HIP1: variants seen among roughly 807,000 people sequenced by gnomAD.
The protein encoded by HIP1 is huntingtin-interacting protein 1.
Under a neutral mutation model 147.6 loss-of-function variants are expected in HIP1, and 65 were observed. That is an observed-to-expected ratio of 0.44 (90% CI 0.36 to 0.54). The LOEUF (loss-of-function observed/expected upper bound fraction) is 0.54. Among genes scored for constraint, HIP1 ranks in the 20% least tolerant of loss-of-function variants. The pLI is 0.00. For synonymous variants in HIP1, 479 were observed against 504.0 expected, an observed-to-expected ratio of 0.95 and a Z score of 0.67; for missense variants, 1,061 against 1,299.6, an observed-to-expected ratio of 0.82 and a Z score of 2.82.
intron 1 of HIP1, among the ~76,000 whole-genome samples, chr7:75,631,272 C>T (rs184074505): frequency 6.6e-6 from 1 of 152,268 alleles, no homozygotes; most frequent in East Asian, 1.9e-4. Context: ...CCATGCCTGG[C>T]TTGTGTCAAG....
intron 1 of HIP1, among the ~76,000 whole-genome samples, chr7:75,613,881 C>T (rs1050013555): frequency 3.3e-5 from 5 of 152,054 alleles, no homozygotes; most frequent in African/African-American, 9.7e-5. Flanking sequence ...CATGCCACCA[C>T]ACCTGGCTAA....
chr7:75,538,099 T>C lies in HIP1; in HGVS notation c.*73A>G. Reference sequence around the variant, plus strand: ...CCCCTGGGACTCCAAGGATTTGGCCTGTGGCTGGGGAAATAACACACACGA... The same window carrying C: ...CCCCTGGGACTCCAAGGATTTGGCCCGTGGCTGGGGAAATAACACACACGA... On this transcript the variant is annotated 3_prime_UTR_variant, in exon 31 of 31. Coordinates refer to ENST00000336926, the MANE Select transcript of HIP1 (RefSeq NM_005338.7). The C allele has an allele frequency of 1.5e-6, 2 of 1,291,966 alleles. No homozygotes were observed. Among genetic ancestry groups the C allele is most frequent in the South Asian group, 1.2e-5 (1 of 84,548 alleles). The allele number at this position is 1,291,966 out of a possible 1,614,324, so 80.0% of individuals were successfully genotyped here.
At chr7:75,682,368 C>T (rs1004824977) in intron 1 of HIP1, among the ~76,000 whole-genome samples, 5 of 151,656 alleles carry the variant, frequency 3.3e-5, no homozygotes, top group Admixed American at 1.3e-4. Flanking sequence ...GCGATCCTCC[C>T]GCCTCAGCCT....
intron 8 of HIP1, among the ~76,000 whole-genome samples, chr7:75,572,398 G>T (rs1218131455): frequency 6.6e-6 from 1 of 152,166 alleles, no homozygotes; most frequent in Non-Finnish European, 1.5e-5. Flanking sequence ...TTTGCACAAA[G>T]GGATTGTGTA....
chr7:75,726,096 G>A (rs921159888), intron 1 of HIP1, among the ~76,000 whole-genome samples: 1 of 152,138 alleles, frequency 6.6e-6, no homozygotes, highest in Non-Finnish European at 1.5e-5. Context: ...TGCCTGCCTT[G>A]TTATCACAAA....
intron 1 of HIP1, among the ~76,000 whole-genome samples, chr7:75,654,903 T>C (rs1799101601): frequency 6.6e-6 from 1 of 151,686 alleles, no homozygotes; most frequent in Non-Finnish European, 1.5e-5. Flanking sequence ...TGGTCCCAGC[T>C]ACTCTGGAGG....
rs1184339300 is a variant in HIP1 at position 75,663,960 on chromosome 7, G to GTA, written c.121-64715_121-64714dup. ...TATATATATATATACACATATATGT[G>GTA]TATATATATATACACATATATGTGT... is the stretch of plus-strand genomic sequence containing the variant. On this transcript the variant is annotated intron_variant, in intron 1 of 30. Coordinates refer to ENST00000336926, the MANE Select transcript of HIP1 (RefSeq NM_005338.7). Among the ~76,000 whole-genome samples the GTA allele has an allele frequency of 2.3e-4, 12 of 52,960 alleles. 1 individual carries two copies. The highest frequency in any genetic ancestry group is 4.9e-4 in the Admixed American group (2 of 4,098). The allele number at this position is 52,960 out of a possible 152,430, so 34.7% of individuals were successfully genotyped here.
At chr7:75,724,974 G>A (rs527632452) in intron 1 of HIP1, among the ~76,000 whole-genome samples, 1 of 152,292 alleles carries the variant, frequency 6.6e-6, no homozygotes, top group South Asian at 2.1e-4. Flanking sequence ...ACAGGGTAAG[G>A]GGCAGGTTCT....
rs782475027 is a variant in HIP1, at chr7:75,599,256, CAAG to C, written c.121-12_121-10del. The stretch of plus-strand genomic sequence containing the variant: ...TTATTGATGCTGACAGTCTGAAAAA[CAAG>C]AAGGGGGGAGGGAAAGGAGGATGAG... On this transcript the variant is annotated splice_polypyrimidine_tract_variant and intron_variant, in intron 1 of 30. Coordinates refer to ENST00000336926, the MANE Select transcript of HIP1 (RefSeq NM_005338.7). The C allele has an allele frequency of 6.2e-7, 1 of 1,607,502 alleles. No individual in the cohort carries two copies. The highest frequency in any genetic ancestry group is 2.2e-5 in the East Asian group (1 of 44,834).
chr7:75,654,635 G>C (rs1441513118), intron 1 of HIP1: 1 of 152,276 alleles, frequency 6.6e-6, no homozygotes, highest in South Asian at 2.1e-4. Flanking sequence ...TGCAAAACTC[G>C]GTTAAGAACA....
chr7:75,680,627 T>TA (rs1297523837), intron 1 of HIP1, among the ~76,000 whole-genome samples: 3 of 146,198 alleles, frequency 2.1e-5, no homozygotes, highest in Non-Finnish European at 4.5e-5. Flanking sequence ...CTTTTTTTTT[T>TA]AAGACAGAAT....
chr7:75,736,138 C>T (rs1386306547), intron 1 of HIP1, among the ~76,000 whole-genome samples: 2 of 142,234 alleles, frequency 1.4e-5, no homozygotes, highest in African/African-American at 5.3e-5. Flanking sequence ...CTCTACTTCA[C>T]CCCCACCCAC....
chr7:75,591,980 C>T, intron 4 of HIP1, 76 bp downstream of exon 4: 2 of 1,149,036 alleles, frequency 1.7e-6, no homozygotes, highest in Admixed American at 3.4e-5. Flanking sequence ...TTTATTTCAC[C>T]CTCCAGTCCT....
chr7:75,651,474 A>AAAG (rs1798984455), intron 1 of HIP1, among the ~76,000 whole-genome samples: 1 of 149,156 alleles, frequency 6.7e-6, no homozygotes, highest in East Asian at 2.0e-4. Flanking sequence ...AAAAAAAAAA[A>AAAG]AAAAAAAAAA....
rs183903928 is a variant in HIP1 at position 75,649,153 on chromosome 7, T to C, written c.121-49906A>G. ...AATTCTCCTGCCTCATCCTCCCGAG[T>C]AGCTGGGATTATAGGCATATGCCAC... On this transcript the variant is annotated intron_variant, in intron 1 of 30. Coordinates refer to ENST00000336926, the MANE Select transcript of HIP1 (RefSeq NM_005338.7). 1.5e-3 allele frequency among the ~76,000 whole-genome samples: 222 copies of C among 152,120 alleles called. 2 individuals carry two copies. The highest frequency in any genetic ancestry group is 5.1e-3 in the African/African-American group (212 of 41,488).
At chr7:75,689,311 G>A (rs1042743009) in intron 1 of HIP1, among the ~76,000 whole-genome samples, 19 of 152,084 alleles carry the variant, frequency 1.2e-4, no homozygotes, top group Non-Finnish European at 2.4e-4. Context: ...TTCGAGACCC[G>A]CCTGGCCAAC....
intron 1 of HIP1, among the ~76,000 whole-genome samples, chr7:75,616,103 A>G (rs1293084925): frequency 3.1e-4 from 47 of 150,192 alleles, no homozygotes; most frequent in African/African-American, 4.1e-4. Flanking sequence ...AAAAAAAAAA[A>G]AAAGAAAAGA....
chr7:75,546,401 T>C (rs1415238118), intron 25 of HIP1, among the ~76,000 whole-genome samples: 3 of 152,160 alleles, frequency 2.0e-5, no homozygotes, highest in East Asian at 3.9e-4. Context: ...TCAGGCTCAT[T>C]AACCCCTCCC....
chr7:75,688,660 G>A (rs944028181), intron 1 of HIP1, among the ~76,000 whole-genome samples: 1 of 152,158 alleles, frequency 6.6e-6, no homozygotes, highest in East Asian at 1.9e-4. Flanking sequence ...TCCCTCCCTC[G>A]GTGGCCTTTG....
Sources: gnomAD v4.1 joint callset for allele counts (sites outside exome capture counted in the v4.1 genomes callset) on GRCh38, gnomAD v4.1.1 for gene constraint, MANE v1.5 for transcripts, NCBI Gene and HGNC (gene_info 2026-07-23, HGNC 2026-07-21) for gene names.